The following GRM7 variants were observed in gnomAD, a reference collection of about 807,000 sequenced individuals.
The protein encoded by GRM7 is metabotropic glutamate receptor 7.
Under a neutral mutation model 84.5 loss-of-function variants are expected in GRM7, and 35 were observed. The observed-to-expected ratio is 0.41, with a 90% CI of 0.32 to 0.55. The LOEUF (loss-of-function observed/expected upper bound fraction) is 0.55. GRM7 is among the 20% of genes least tolerant of loss of function. The probability of loss-of-function intolerance (pLI) is 0.19; values close to 1 mark genes in which losing one functional copy is unlikely to be tolerated. For synonymous variants in GRM7, 487 were observed against 455.1 expected (o/e 1.07, Z -0.89); for missense variants, 1,003 against 1,194.6 (o/e 0.84, Z 2.36).
At chr3:7,518,890 G>A (rs1435980984) in intron 7 of GRM7, among the ~76,000 whole-genome samples, 3 of 152,180 alleles carry the variant, frequency 2.0e-5, no homozygotes, top group Non-Finnish European at 2.9e-5. Context: ...TTAAGATTTA[G>A]CTGGTCGTTT....
rs530056330 is a variant in GRM7, at chr3:7,576,246, G to C, written c.1516-2176G>C. ...TCATAAGTTATTTCCCTAATTTTAT[G>C]ACTCTGGGATGGCTTCCAGTGACTT... On this transcript the variant is annotated intron_variant, in intron 7 of 9. Transcript: ENST00000357716. Among the ~76,000 whole-genome samples the C allele has an allele frequency of 9.7e-4, 147 of 152,216 alleles. 2 individuals are homozygous for C. In the South Asian group the frequency reaches 0.029, roughly 30 times the overall value.
intron 4 of GRM7, among the ~76,000 whole-genome samples, chr3:7,319,775 T>G (rs1700707265): frequency 6.6e-6 from 1 of 152,072 alleles, no homozygotes; most frequent in South Asian, 2.1e-4. Context: ...AACTGTTCTT[T>G]AGACATATTT....
intron 2 of GRM7, among the ~76,000 whole-genome samples, chr3:7,147,533 C>G (rs1559470070): frequency 6.6e-6 from 1 of 151,976 alleles, no homozygotes; most frequent in African/African-American, 2.4e-5. Context: ...AGCAAACAAA[C>G]AAGCAAAGCA....
chr3:7,462,663 T>C (rs1315468824), intron 7 of GRM7, among the ~76,000 whole-genome samples: 1 of 152,202 alleles, frequency 6.6e-6, no homozygotes, highest in African/African-American at 2.4e-5. Flanking sequence ...ATGGTTTCTA[T>C]GAAGAAAGGG....
intron 4 of GRM7, among the ~76,000 whole-genome samples, chr3:7,316,706 T>G (rs976708694): frequency 2.3e-4 from 35 of 152,272 alleles, no homozygotes; most frequent in African/African-American, 8.4e-4. Flanking sequence ...GGTGTTAAGT[T>G]TGAGATACTT....
chr3:6,879,751 T>C (rs184184381), intron 1 of GRM7, among the ~76,000 whole-genome samples: 2 of 152,334 alleles, frequency 1.3e-5, no homozygotes, highest in East Asian at 3.9e-4. Flanking sequence ...GAATTCAGTA[T>C]CGATTTATAA....
intron 2 of GRM7, among the ~76,000 whole-genome samples, chr3:7,241,024 C>T (rs1306643996): frequency 3.9e-5 from 6 of 152,142 alleles, no homozygotes; most frequent in Non-Finnish European, 7.3e-5. Flanking sequence ...TGTAACTCTA[C>T]TCTATGATGT....
intron 1 of GRM7, among the ~76,000 whole-genome samples, chr3:7,107,496 A>G (rs1006861433): frequency 8.5e-5 from 13 of 152,194 alleles, no homozygotes; most frequent in African/African-American, 2.9e-4. Flanking sequence ...TGTGTACCAG[A>G]TAGGACATTA....
chr3:7,538,232 C>G (rs1006366987), intron 7 of GRM7, among the ~76,000 whole-genome samples: 2 of 152,208 alleles, frequency 1.3e-5, no homozygotes, highest in Non-Finnish European at 1.5e-5. Context: ...GCCTCAGCCT[C>G]CTGAGAAGCT....
chr3:6,953,496 T>C (rs2125072150), intron 1 of GRM7, among the ~76,000 whole-genome samples: 1 of 152,354 alleles, frequency 6.6e-6, no homozygotes, highest in Non-Finnish European at 1.5e-5. Flanking sequence ...AAATATATGC[T>C]TCATTTTTCC....
chr3:6,922,971 G>T (rs546659752), intron 1 of GRM7, among the ~76,000 whole-genome samples: 5 of 152,126 alleles, frequency 3.3e-5, no homozygotes, highest in Non-Finnish European at 1.5e-5. Context: ...TGACTTTTAG[G>T]CTATCAAACA....
intron 7 of GRM7, among the ~76,000 whole-genome samples, chr3:7,523,870 G>C (rs144804516): frequency 6.6e-6 from 1 of 151,998 alleles, no homozygotes; most frequent in Non-Finnish European, 1.5e-5. Context: ...AAAAATAGAG[G>C]ACTTTATAAA....
At chr3:7,685,908 T>G (rs1232438079) in intron 9 of GRM7, among the ~76,000 whole-genome samples, 2 of 152,182 alleles carry the variant, frequency 1.3e-5, no homozygotes. Flanking sequence ...CTGTGTTAAT[T>G]TGTTATGGTT....
At chr3:7,397,143 G>C (rs1326922735) in intron 4 of GRM7, among the ~76,000 whole-genome samples, 1 of 152,068 alleles carries the variant, frequency 6.6e-6, no homozygotes, top group Non-Finnish European at 1.5e-5. Context: ...TGAAAAGTGT[G>C]AATGAGTAAC....
chr3:6,997,683 T>C (rs1188640759), intron 1 of GRM7, among the ~76,000 whole-genome samples: 1 of 152,156 alleles, frequency 6.6e-6, no homozygotes, highest in Non-Finnish European at 1.5e-5. Flanking sequence ...TCCTGGCACC[T>C]CCCAAATGTC....
At chr3:7,138,974 G>T (rs1693856374) in intron 1 of GRM7, among the ~76,000 whole-genome samples, 1 of 149,762 alleles carries the variant, frequency 6.7e-6, no homozygotes, top group South Asian at 2.1e-4. Flanking sequence ...CTACTGTTAA[G>T]TTTGACCAAA....
At chr3:7,575,523 T>C (rs956077560) in intron 7 of GRM7, among the ~76,000 whole-genome samples, 1 of 152,162 alleles carries the variant, frequency 6.6e-6, no homozygotes, top group Non-Finnish European at 1.5e-5. Context: ...TTTCAGCTGA[T>C]TGTTTCTTAT....
intron 7 of GRM7, among the ~76,000 whole-genome samples, chr3:7,564,193 T>C (rs1225797700): frequency 6.6e-6 from 1 of 152,118 alleles, no homozygotes; most frequent in Non-Finnish European, 1.5e-5. Context: ...AGGTAAAGAG[T>C]TAAAGATGAC....
chr3:7,002,490 C>T (rs1695046193), intron 1 of GRM7, among the ~76,000 whole-genome samples: 1 of 152,098 alleles, frequency 6.6e-6, no homozygotes, highest in Admixed American at 6.5e-5. Context: ...TATTAGAATA[C>T]ATAACTGAAA....
Sources: gnomAD v4.1 joint callset for allele counts (sites outside exome capture counted in the v4.1 genomes callset) on GRCh38, gnomAD v4.1.1 for gene constraint, MANE v1.5 for transcripts, NCBI Gene and HGNC (gene_info 2026-07-23, HGNC 2026-07-21) for gene names.